Variants in SMYD3 observed in about 807,000 individuals in gnomAD.
SMYD3 encodes histone-lysine N-methyltransferase SMYD3.
Under a neutral mutation model 57.7 loss-of-function variants are expected in SMYD3, and 36 were observed. The observed-to-expected ratio is 0.62, with a 90% CI of 0.48 to 0.82. SMYD3 has a LOEUF of 0.82. Ranked by LOEUF, SMYD3 falls within the 40% of genes least tolerant of loss-of-function variation. The pLI is 0.00. For missense variants in SMYD3, 515 were observed against 538.8 expected, an observed-to-expected ratio of 0.96 and a Z score of 0.44; for synonymous variants, 211 against 195.0, an observed-to-expected ratio of 1.08 and a Z score of -0.68.
At chr1:246,368,294 TG>T (rs1364734636) in intron 1 of SMYD3, among the ~76,000 whole-genome samples, 8 of 152,174 alleles carry the variant, frequency 5.3e-5, no homozygotes, top group African/African-American at 1.9e-4. Context: ...CTATCCTTCT[TG>T]GGTGTCAGAG....
intron 5 of SMYD3, among the ~76,000 whole-genome samples, chr1:245,951,493 CG>C (rs2057644570): frequency 7.4e-6 from 1 of 135,384 alleles, no homozygotes; most frequent in Non-Finnish European, 1.5e-5. Context: ...GGCGTGAACC[CG>C]GGAGGCAGAG....
intron 5 of SMYD3, among the ~76,000 whole-genome samples, chr1:246,182,025 T>G (rs2062559923): frequency 6.6e-6 from 1 of 152,178 alleles, no homozygotes; most frequent in South Asian, 2.1e-4. Context: ...GAGCACTATT[T>G]TAACCTACTT....
chr1:246,190,554 C>CAACCTAGGT (rs1295191384), intron 5 of SMYD3, among the ~76,000 whole-genome samples: 1 of 120,624 alleles, frequency 8.3e-6, no homozygotes, highest in Non-Finnish European at 1.6e-5. Flanking sequence ...CATTGCACTC[C>CAACCTAGGT]AACCTAGGTG....
intron 5 of SMYD3, among the ~76,000 whole-genome samples, chr1:245,980,473 T>C (rs996210037): frequency 4.6e-5 from 7 of 152,232 alleles, no homozygotes; most frequent in African/African-American, 1.4e-4. Context: ...TGTAGATGTA[T>C]TGCTCAACTC....
At chr1:246,156,449 T>C (rs2062024213) in intron 5 of SMYD3, among the ~76,000 whole-genome samples, 1 of 152,202 alleles carries the variant, frequency 6.6e-6, no homozygotes, top group East Asian at 1.9e-4. Context: ...CTCTGAGTTA[T>C]TGGGAAGGTA....
At chr1:246,104,921 T>C (rs2061090400) in intron 5 of SMYD3, among the ~76,000 whole-genome samples, 2 of 152,146 alleles carry the variant, frequency 1.3e-5, no homozygotes, top group Non-Finnish European at 2.9e-5. Flanking sequence ...ATATTTTTTA[T>C]CAGGACTACA....
rs767090799 is a variant in SMYD3 at position 246,327,254 on chromosome 1, G to T, written c.478C>A (p.Gln160Lys). ...GCAGGTGGCAGCTGAGAGGCATCCT[G>T]TATTTCTTCTCTCATGAAATGTTGA... ...TFQHFMREEI[Q>K]DASQLPPAFD... Residue 160 changes from glutamine (Q) to lysine (K), a missense_variant, in exon 5 of 12, where the codon CAG becomes AAG. Gln to Lys is a moderately conservative substitution (Grantham distance 53). Coordinates refer to ENST00000490107, the MANE Select transcript of SMYD3 (RefSeq NM_001167740.2). 1 of 1,614,082 alleles carries T rather than the reference G, an allele frequency of 6.2e-7. No homozygotes were observed. The highest frequency in any genetic ancestry group is 1.1e-5 in the South Asian group (1 of 91,078).
intron 1 of SMYD3, among the ~76,000 whole-genome samples, chr1:246,426,812 T>C (rs1306767157): frequency 6.6e-6 from 1 of 152,214 alleles, no homozygotes; most frequent in Non-Finnish European, 1.5e-5. Flanking sequence ...TTTCTATATA[T>C]GTCACCACCA....
At chr1:246,051,962 A>G (rs1572947861) in intron 5 of SMYD3, among the ~76,000 whole-genome samples, 1 of 152,226 alleles carries the variant, frequency 6.6e-6, no homozygotes. Context: ...ACAACATTTA[A>G]AATACCCAAA....
intron 10 of SMYD3, among the ~76,000 whole-genome samples, chr1:245,793,048 T>C (rs2791386): frequency 0.066 from 9,990 of 151,184 alleles, 607 homozygotes; most frequent in African/African-American, 0.16. Flanking sequence ...CAGTGGCTCA[T>C]GCCTGTAATC....
chr1:246,050,774 G>C (rs1039403439), intron 5 of SMYD3, among the ~76,000 whole-genome samples: 1 of 152,176 alleles, frequency 6.6e-6, no homozygotes, highest in Non-Finnish European at 1.5e-5. Flanking sequence ...GAGGTAGCGA[G>C]CTCCTCCCAA....
At chr1:246,454,595 T>G (rs1572515028) in intron 1 of SMYD3, among the ~76,000 whole-genome samples, 1 of 152,154 alleles carries the variant, frequency 6.6e-6, no homozygotes, top group East Asian at 1.9e-4. Context: ...TCCACGGCAG[T>G]AGTAATAACT....
chr1:245,902,782 C>T (rs930515357), intron 8 of SMYD3, among the ~76,000 whole-genome samples: 2 of 152,228 alleles, frequency 1.3e-5, no homozygotes, highest in Admixed American at 6.5e-5. Context: ...GACCACAGTA[C>T]TGTTCCTACC....
chr1:245,854,738 A>G (rs908361530), intron 10 of SMYD3, among the ~76,000 whole-genome samples: 1 of 152,162 alleles, frequency 6.6e-6, no homozygotes, highest in African/African-American at 2.4e-5. Context: ...TCCCCCAGCA[A>G]GACAAGCAGG....
chr1:246,335,343 A>G (rs2065525826), intron 3 of SMYD3, 24 bp downstream of exon 3: 1 of 1,599,818 alleles, frequency 6.3e-7, no homozygotes, highest in Non-Finnish European at 8.6e-7. Context: ...AAACCCAGCT[A>G]TATTTCATGA....
At chr1:246,402,407 T>C (rs182691118) in intron 1 of SMYD3, among the ~76,000 whole-genome samples, 184 of 150,742 alleles carry the variant, frequency 1.2e-3, no homozygotes, top group Non-Finnish European at 1.6e-4. Flanking sequence ...TCTGAGCACG[T>C]GATACCTCTG....
At chr1:246,207,425 C>T (rs1267764786) in intron 5 of SMYD3, among the ~76,000 whole-genome samples, 1 of 152,102 alleles carries the variant, frequency 6.6e-6, no homozygotes, top group Non-Finnish European at 1.5e-5. Context: ...CTTAGCGCTC[C>T]AAGATGGAAC....
chr1:245,884,658 A>G (rs950135462), intron 8 of SMYD3, among the ~76,000 whole-genome samples: 1 of 152,156 alleles, frequency 6.6e-6, no homozygotes, highest in Admixed American at 6.6e-5. Flanking sequence ...TGAGAGGTAA[A>G]GCCAGCAGGA....
chr1:245,951,312 C>T (rs1298970249), intron 5 of SMYD3, among the ~76,000 whole-genome samples: 3 of 146,612 alleles, frequency 2.0e-5, no homozygotes, highest in South Asian at 2.2e-4. Flanking sequence ...TGAAAATACT[C>T]GTCGTGGCTC....
Sources: gnomAD v4.1 joint callset for allele counts (sites outside exome capture counted in the v4.1 genomes callset) on GRCh38, gnomAD v4.1.1 for gene constraint, MANE v1.5 for transcripts, NCBI Gene and HGNC (gene_info 2026-07-23, HGNC 2026-07-21) for gene names.